Variants in ACAT2 observed in about 807,000 individuals in gnomAD.
The protein encoded by ACAT2 is acetyl-CoA acetyltransferase, cytosolic.
ACAT2 carries 26 observed loss-of-function variants against 37.1 expected under a neutral mutation model. The ratio of observed to expected loss-of-function variants is 0.70; its 90% CI spans 0.51 to 0.97. ACAT2 has a LOEUF of 0.97. Among genes scored for constraint, ACAT2 ranks in the 50% least tolerant of loss-of-function variants. ACAT2 has a pLI of 0.00. For missense variants in ACAT2, 468 were observed against 489.0 expected, an observed-to-expected ratio of 0.96 and a Z score of 0.40; for synonymous variants, 156 against 163.6, an observed-to-expected ratio of 0.95 and a Z score of 0.35.
rs1174858965 is a variant in ACAT2, at chr6:159,768,597, T to G, written c.459T>G (p.Asp153Glu). ...GTATACTCTGTGATGGTCTTACAGATGCATTTCACAACTGTCATATGGGTA... is the reference window on the plus strand; with the variant it reads ...GTATACTCTGTGATGGTCTTACAGAGGCATTTCACAACTGTCATATGGGTA... ...TDSILCDGLTDAFHNCHMGIT... is the reference protein window; with the variant it reads ...TDSILCDGLTEAFHNCHMGIT... The change falls in exon 4 of 9, where the codon GAT becomes GAG. Residue 153 changes from aspartate to glutamate, a missense_variant. Transcript: ENST00000367048. The G allele has an allele frequency of 6.2e-7, 1 of 1,612,960 alleles. No homozygotes were observed. The highest frequency in any genetic ancestry group is 2.2e-5 in the East Asian group (1 of 44,876).
At chr6:159,762,561 G>A (rs1409414537) in intron 1 of ACAT2, 6 of 1,338,470 alleles carry the variant, frequency 4.5e-6, no homozygotes, top group Non-Finnish European at 5.8e-6. Flanking sequence ...ACAATGGCTA[G>A]AAGTCGTGAC....
At chr6:159,767,356 G>T (rs1780271307) in intron 3 of ACAT2, among the ~76,000 whole-genome samples, 170 bp downstream of exon 3, 1 of 152,210 alleles carries the variant, frequency 6.6e-6, no homozygotes, top group Non-Finnish European at 1.5e-5. Context: ...TTCAGTTTGG[G>T]TGGGAAATCC....
intron 6 of ACAT2, 138 bp from the exon 7 acceptor site, chr6:159,777,163 TA>T: frequency 1.0e-6 from 1 of 978,966 alleles, no homozygotes; most frequent in South Asian, 1.6e-5. Flanking sequence ...AATTTCTATG[TA>T]AAGTCTGTTG....
chr6:159,767,406 G>A (rs761155916), intron 3 of ACAT2, among the ~76,000 whole-genome samples: 1 of 152,206 alleles, frequency 6.6e-6, no homozygotes, highest in Non-Finnish European at 1.5e-5. Context: ...GATTGGAACC[G>A]AATATACTTT....
intron 4 of ACAT2, among the ~76,000 whole-genome samples, chr6:159,768,924 T>TA (rs1562477214): frequency 6.6e-6 from 1 of 152,194 alleles, no homozygotes; most frequent in East Asian, 1.9e-4. Context: ...GTGACAGAGA[T>TA]AAACCAGTTG....
At chr6:159,775,360 A>G in intron 5 of ACAT2, 47 bp downstream of exon 5, 2 of 1,577,798 alleles carry the variant, frequency 1.3e-6, no homozygotes, top group Non-Finnish European at 1.7e-6. Context: ...TATAGGTAAG[A>G]GTAACATCTA....
intron 2 of ACAT2, 40 bp from the exon 3 acceptor site, chr6:159,766,965 C>A (rs1473608878): frequency 6.2e-7 from 1 of 1,608,624 alleles, no homozygotes; most frequent in East Asian, 2.2e-5. Flanking sequence ...TTTTGTCTTT[C>A]TCCTTGATTG....
chr6:159,773,907 A>G (rs1297063051), intron 4 of ACAT2, among the ~76,000 whole-genome samples: 1 of 152,252 alleles, frequency 6.6e-6, no homozygotes, highest in Admixed American at 6.5e-5. Flanking sequence ...TTAGAAAGTC[A>G]TGAATGAATG....
chr6:159,768,256 A>G (rs929123772), intron 3 of ACAT2, among the ~76,000 whole-genome samples: 2 of 152,196 alleles, frequency 1.3e-5, no homozygotes, highest in Non-Finnish European at 2.9e-5. Context: ...GAAACAGGAC[A>G]CAGAATGGGT....
rs73585630 is a variant in ACAT2 at position 159,778,474 on chromosome 6, G to C, written c.1024-185G>C. Reference sequence around the variant, plus strand: ...AGACATTGGCTTACTTGGCATAAAAGGAACGAGGTAAGATAGGCAGGGATG... The same window carrying C: ...AGACATTGGCTTACTTGGCATAAAACGAACGAGGTAAGATAGGCAGGGATG... On this transcript the variant is annotated intron_variant, in intron 8 of 8. Coordinates refer to ENST00000367048, the MANE Select transcript of ACAT2 (RefSeq NM_005891.3). 2,302 of 723,436 alleles carry C rather than the reference G, an allele frequency of 3.2e-3. 44 individuals carry two copies. In the African/African-American group the frequency reaches 0.039, roughly 12 times the overall value. The allele number at this position is 723,436 out of a possible 1,614,324, so 44.8% of individuals were successfully genotyped here. A position where few individuals can be genotyped will look rare whatever the true frequency, so the allele number is the denominator to read the frequency against.
Position 159,775,314 on chromosome 6 carries a change from G to A in ACAT2, c.634+1G>A. ...CCAGTTTTGGTGTCAACTAGAAAAG[G>A]TGAGTATATCATAGTGGTTTAAACA... is the stretch of plus-strand genomic sequence containing the variant. On this transcript the variant is annotated splice_donor_variant, in intron 5 of 8. Coordinates refer to ENST00000367048, the MANE Select transcript of ACAT2 (RefSeq NM_005891.3). LOFTEE classifies it high-confidence loss of function. 6.2e-7 allele frequency: 1 copy of A among 1,614,022 alleles called. No individual in the cohort carries two copies. The highest frequency in any genetic ancestry group is 8.5e-7 in the Non-Finnish European group (1 of 1,179,938).
Position 159,771,980 on chromosome 6 carries a change from C to A in ACAT2, c.491-3190C>A, listed in dbSNP as rs554686757. ...GTGGCTCACGCCTGTAATCCTAGCA[C>A]TTTGGGAGGCCGAGGCGGGCGGATC... On this transcript the variant is annotated intron_variant, in intron 4 of 8. Coordinates refer to ENST00000367048, the MANE Select transcript of ACAT2 (RefSeq NM_005891.3). 5.3e-5 allele frequency among the ~76,000 whole-genome samples: 8 copies of A among 152,272 alleles called. No homozygotes were observed. In the South Asian group the frequency reaches 1.7e-3, roughly 32 times the overall value.
At chr6:159,762,471 G>A in intron 1 of ACAT2, 1 of 1,327,586 alleles carries the variant, frequency 7.5e-7, no homozygotes, top group Non-Finnish European at 9.7e-7. Context: ...GCTCCGGGAG[G>A]CGCCATCGGT....
At chr6:159,768,656 T>G in intron 4 of ACAT2, 28 bp downstream of exon 4, 4 of 1,528,314 alleles carry the variant, frequency 2.6e-6, no homozygotes, top group Non-Finnish European at 3.6e-6. Context: ...GAAACTGTAT[T>G]AGCTTTAAAA....
At chr6:159,776,384 C>T (rs1780414139) in intron 6 of ACAT2, 112 bp downstream of exon 6, 1 of 1,301,372 alleles carries the variant, frequency 7.7e-7, no homozygotes, top group African/African-American at 1.5e-5. Context: ...GACAGGGACT[C>T]ACTCTGCCAG....
At position 159,775,160 on chromosome 6, in the gene ACAT2, C is replaced by G. The variant is rs1750173697; in HGVS notation, c.491-10C>G. ...AATGTTAGTTTTTTGCTGTTTTTCT[C>G]CTTTCCCAGCTGAAAATGTAGCCAA... On this transcript the variant is annotated splice_polypyrimidine_tract_variant and intron_variant, in intron 4 of 8. Transcript: ENST00000367048. The G allele has an allele frequency of 1.2e-6, 2 of 1,611,702 alleles. No individual in the cohort carries two copies. Among genetic ancestry groups the G allele is most frequent in the African/African-American group, 1.3e-5 (1 of 74,774 alleles).
intron 4 of ACAT2, among the ~76,000 whole-genome samples, chr6:159,773,098 C>T (rs1180351828): frequency 6.6e-6 from 1 of 152,150 alleles, no homozygotes; most frequent in East Asian, 1.9e-4. Context: ...AAGGGATCCT[C>T]CCACCTCAGC....
Position 159,778,264 on chromosome 6 carries a change from G to T in ACAT2, c.1007G>T (p.Gly336Val). The T allele has an allele frequency of 6.2e-7, 1 of 1,607,872 alleles. No individual in the cohort carries two copies. The highest frequency in any genetic ancestry group is 8.5e-7 in the Non-Finnish European group (1 of 1,177,956). ...TCTGCTGCAATAGTTAAAGAACTTG[G>T]ATTAAACCCAGAGAAGGTAAAGATG... ...AVSAAIVKEL[G>V]LNPEKVNIEG... Residue 336 changes from glycine (G) to valine (V), a missense_variant, in exon 8 of 9, where the codon GGA (glycine) becomes GTA (valine). By Grantham distance (109) the Gly-to-Val change is moderately radical. Coordinates refer to ENST00000367048, the MANE Select transcript of ACAT2 (RefSeq NM_005891.3).
intron 3 of ACAT2, among the ~76,000 whole-genome samples, chr6:159,767,688 C>G (rs1164968221): frequency 6.6e-6 from 1 of 152,212 alleles, no homozygotes. Context: ...ATACCTCAAA[C>G]TGGCATAGTG....
Sources: gnomAD v4.1 joint callset for allele counts (sites outside exome capture counted in the v4.1 genomes callset) on GRCh38, gnomAD v4.1.1 for gene constraint, MANE v1.5 for transcripts, NCBI Gene and HGNC (gene_info 2026-07-23, HGNC 2026-07-21) for gene names.